RAB8B: variants seen among roughly 807,000 people sequenced by gnomAD.
RAB8B encodes the protein ras-related protein Rab-8B.
RAB8B carries 11 observed loss-of-function variants against 32.0 expected under a neutral mutation model. The observed-to-expected ratio is 0.34, with a 90% confidence interval of 0.22 to 0.57. The LOEUF (loss-of-function observed/expected upper bound fraction) is 0.57, where lower values mean the gene tolerates loss of function less well. RAB8B is among the 20% of genes least tolerant of loss of function. The pLI, the probability that RAB8B is intolerant of heterozygous loss-of-function variation, is 0.86. For missense variants in RAB8B, 190 were observed against 258.5 expected, an observed-to-expected ratio of 0.73 and a Z score of 1.82; for synonymous variants, 103 against 89.6, an observed-to-expected ratio of 1.15 and a Z score of -0.85.
intron 1 of RAB8B, among the ~76,000 whole-genome samples, chr15:63,231,227 T>A (rs766194014): frequency 6.6e-6 from 1 of 152,238 alleles, no homozygotes; most frequent in Non-Finnish European, 1.5e-5. Context: ...AAAAGAGATA[T>A]CATTTGTTTT....
In RAB8B at chr15:63,256,465, T is replaced by C. The variant is rs370765686; in HGVS notation, c.325-40T>C. The C allele has an allele frequency of 1.5e-4, 226 of 1,460,820 alleles. 3 individuals carry two copies. The highest frequency in any genetic ancestry group is 7.2e-4 in the South Asian group (58 of 80,482). The allele number at this position is 1,460,820 out of a possible 1,614,324, so 90.5% of individuals were successfully genotyped here. ...ATTTGTCTATTAAGTAACGGGTTTT[T>C]CTCAGGCTGTTTTTATAGCATGCTA... On this transcript the variant is annotated intron_variant, in intron 4 of 7. Transcript: ENST00000321437.
intron 3 of RAB8B, among the ~76,000 whole-genome samples, chr15:63,251,863 G>A (rs2038119203): frequency 6.6e-6 from 1 of 152,058 alleles, no homozygotes; most frequent in Non-Finnish European, 1.5e-5. Context: ...CGGTTGCCGG[G>A]CCCACCATTT....
chr15:63,212,268 A>G (rs1338383012), intron 1 of RAB8B, among the ~76,000 whole-genome samples: 1 of 152,220 alleles, frequency 6.6e-6, no homozygotes, highest in Non-Finnish European at 1.5e-5. Flanking sequence ...CTTGATATCC[A>G]GGTTGTTCTT....
At position 63,219,218 on chromosome 15, in the gene RAB8B, AAC is replaced by A. The variant is rs371369955; in HGVS notation, c.125-25537_125-25536del. On this transcript the variant is annotated intron_variant, in intron 1 of 7. Coordinates refer to ENST00000321437, the MANE Select transcript of RAB8B (RefSeq NM_016530.3). ...GAGGCTGAGGCAGGGGAATTGCTTG[AAC>A]TTGGGAGGCAGAGATTGTAGTGAGC... Among the ~76,000 whole-genome samples the A allele has an allele frequency of 5.5e-3, 832 of 151,206 alleles. 7 individuals carry two copies. Among genetic ancestry groups the A allele is most frequent in the African/African-American group, 0.018 (739 of 41,186 alleles).
intron 1 of RAB8B, among the ~76,000 whole-genome samples, chr15:63,208,979 A>G (rs370790743): frequency 4.2e-5 from 6 of 144,092 alleles, no homozygotes; most frequent in East Asian, 2.0e-4. Flanking sequence ...TGCAACCTCC[A>G]CCTCCTGGGT....
chr15:63,242,280 A>G (rs773026205), intron 1 of RAB8B, among the ~76,000 whole-genome samples: 2 of 151,948 alleles, frequency 1.3e-5, no homozygotes, highest in Non-Finnish European at 2.9e-5. Context: ...GTTTATGTCT[A>G]TGCATTGTAT....
chr15:63,250,494 A>G (rs1223601288), intron 3 of RAB8B, among the ~76,000 whole-genome samples: 1 of 152,026 alleles, frequency 6.6e-6, no homozygotes, highest in Non-Finnish European at 1.5e-5. Context: ...CTTGACTACC[A>G]AGTTATTTGC....
chr15:63,198,562 C>A (rs932501710), intron 1 of RAB8B, among the ~76,000 whole-genome samples: 1 of 152,104 alleles, frequency 6.6e-6, no homozygotes, highest in East Asian at 1.9e-4. Flanking sequence ...TGATAAAAAC[C>A]ATCTGCAGAG....
intron 1 of RAB8B, among the ~76,000 whole-genome samples, chr15:63,191,300 T>A (rs896130511): frequency 2.6e-5 from 4 of 152,246 alleles, no homozygotes; most frequent in East Asian, 1.9e-4. Flanking sequence ...TATCTTTTTT[T>A]AAAAAAAGAG....
intron 1 of RAB8B, among the ~76,000 whole-genome samples, chr15:63,221,473 C>G (rs1430236286): frequency 6.6e-6 from 1 of 152,166 alleles, no homozygotes; most frequent in African/African-American, 2.4e-5. Context: ...TAGTACTGCT[C>G]TGGCTTAGGG....
Position 63,205,881 on chromosome 15 carries a change from G to C in RAB8B, c.124+16133G>C, listed in dbSNP as rs562643543. On this transcript the variant is annotated intron_variant, in intron 1 of 7. Coordinates refer to ENST00000321437, the MANE Select transcript of RAB8B (RefSeq NM_016530.3). ...ATACAGATTTGTGATGGGGAGTTCA[G>C]TTCATGGGCAGTAAAAGCAGTGAAA... is the stretch of plus-strand genomic sequence containing the variant. Among the ~76,000 whole-genome samples the C allele has an allele frequency of 2.0e-5, 3 of 152,316 alleles. No individual in the cohort carries two copies. The East Asian group carries it at 5.8e-4, about 29-fold the overall frequency.
rs2038180833 is a variant in RAB8B, at chr15:63,259,096, G to A, written c.415-531G>A. 1.3e-5 allele frequency among the ~76,000 whole-genome samples: 2 copies of A among 152,060 alleles called. No individual in the cohort carries two copies. Among genetic ancestry groups the A allele is most frequent in the South Asian group, 2.1e-4 (1 of 4,818 alleles). On this transcript the variant is annotated intron_variant, in intron 5 of 7. Coordinates refer to ENST00000321437, the MANE Select transcript of RAB8B (RefSeq NM_016530.3). This position sits in a 1 kb window ranked among gnomAD's most constrained non-coding sequence, Gnocchi z 4.4. ...AGTACAAAAACAGAAAAAAAGAGAA[G>A]TACTTAAATTATTATTATTATTTTA... is the stretch of plus-strand genomic sequence containing the variant.
intron 1 of RAB8B, chr15:63,223,975 GT>G (rs2037868813): frequency 3.7e-6 from 1 of 271,434 alleles, no homozygotes; most frequent in East Asian, 8.6e-5. Flanking sequence ...GCACTGTGGT[GT>G]TGGGTAAGTC....
At chr15:63,222,149 G>A (rs1228958850) in intron 1 of RAB8B, among the ~76,000 whole-genome samples, 3 of 152,214 alleles carry the variant, frequency 2.0e-5, no homozygotes, top group Admixed American at 6.5e-5. Flanking sequence ...GCCTTGGGTG[G>A]CTTCTCTAGC....
At chr15:63,263,333 A>G (rs556738577) in intron 7 of RAB8B, among the ~76,000 whole-genome samples, 194 bp from the exon 8 acceptor site, 2 of 152,262 alleles carry the variant, frequency 1.3e-5, no homozygotes, top group Non-Finnish European at 2.9e-5. Context: ...TCCTCTTTTC[A>G]ATTCACCATT....
intron 1 of RAB8B, among the ~76,000 whole-genome samples, chr15:63,221,088 C>T (rs188342137): frequency 6.6e-6 from 1 of 152,266 alleles, no homozygotes; most frequent in African/African-American, 2.4e-5. Flanking sequence ...AATCTTGAGG[C>T]ACTTTCAGGA....
chr15:63,192,179 A>G (rs2037561212), intron 1 of RAB8B, among the ~76,000 whole-genome samples: 1 of 152,212 alleles, frequency 6.6e-6, no homozygotes. Context: ...AAGTGGTAGC[A>G]CACTGCCTTC....
chr15:63,249,413 T>G lies in RAB8B; in HGVS notation c.186-232T>G, dbSNP rs572581964. ...CTGTGTATTTTTCTGTTGCTGCTTTTATCAAGGTCTGAGTTTTTCACCCAG... is the reference window on the plus strand; with the variant it reads ...CTGTGTATTTTTCTGTTGCTGCTTTGATCAAGGTCTGAGTTTTTCACCCAG... On this transcript the variant is annotated intron_variant, in intron 2 of 7. Coordinates refer to ENST00000321437, the MANE Select transcript of RAB8B (RefSeq NM_016530.3). Among the ~76,000 whole-genome samples, 3 of 152,328 alleles carry G rather than the reference T, an allele frequency of 2.0e-5. No individual in the cohort carries two copies. The East Asian group carries it at 5.8e-4, about 29-fold the overall frequency.
intron 1 of RAB8B, among the ~76,000 whole-genome samples, chr15:63,199,949 T>C (rs965638936): frequency 9.2e-5 from 14 of 152,150 alleles, no homozygotes; most frequent in Non-Finnish European, 1.9e-4. Flanking sequence ...TGATTTACCG[T>C]TTTTTGTTCA....
Sources: allele counts gnomAD v4.1 joint callset (sites outside exome capture counted in the v4.1 genomes callset), GRCh38; gene constraint gnomAD v4.1.1; non-coding constraint Gnocchi (gnomAD v3.1); transcripts MANE v1.5; gene names NCBI Gene and HGNC (gene_info 2026-07-23, HGNC 2026-07-21).